The following TULP4 variants were observed in gnomAD, a reference collection of about 807,000 sequenced individuals.
The protein encoded by TULP4 is TUB like protein 4, also known as tubby-related protein 4.
A neutral mutation model predicts 129.0 loss-of-function variants in TULP4; 16 were observed. That is an observed-to-expected ratio of 0.12 (90% CI 0.08 to 0.19). TULP4 has a LOEUF of 0.19. TULP4 is among the 10% of genes least tolerant of loss of function. The pLI is 1.00. For synonymous variants in TULP4, 998 were observed against 854.0 expected, an observed-to-expected ratio of 1.17 and a Z score of -2.94; for missense variants, 1,842 against 2,059.1, an observed-to-expected ratio of 0.89 and a Z score of 2.04.
At chr6:158,405,549 G>A (rs1777961174) in intron 1 of TULP4, among the ~76,000 whole-genome samples, 1 of 152,180 alleles carries the variant, frequency 6.6e-6, no homozygotes, top group Admixed American at 6.5e-5. Context: ...TTGAGATAAT[G>A]GAGAGCAGGT....
chr6:158,387,299 G>C (rs1446497113), intron 1 of TULP4, among the ~76,000 whole-genome samples: 1 of 152,052 alleles, frequency 6.6e-6, no homozygotes, highest in Admixed American at 6.6e-5. Context: ...ATTAGATGAC[G>C]ATCTGTCAGT....
chr6:158,316,611 T>A (rs1205902086), intron 1 of TULP4, among the ~76,000 whole-genome samples: 2 of 150,534 alleles, frequency 1.3e-5, no homozygotes, highest in African/African-American at 2.4e-5. Flanking sequence ...ACGCTTCAAA[T>A]TTTTTTTTTT....
At chr6:158,293,852 G>A (rs1377206700) in intron 1 of TULP4, among the ~76,000 whole-genome samples, 1 of 152,216 alleles carries the variant, frequency 6.6e-6, no homozygotes, top group African/African-American at 2.4e-5. Context: ...AGGGATGTTA[G>A]TTTCTTCTGG....
At chr6:158,359,498 T>C (rs1482108940) in intron 1 of TULP4, among the ~76,000 whole-genome samples, 2 of 152,086 alleles carry the variant, frequency 1.3e-5, no homozygotes, top group Non-Finnish European at 2.9e-5. Context: ...TGGAGTATGA[T>C]GTTTGAGGGC....
chr6:158,239,777 A>C (rs111264340), intron 1 of TULP4, among the ~76,000 whole-genome samples: 32 of 51,434 alleles, frequency 6.2e-4, no homozygotes, highest in Non-Finnish European at 1.1e-3. Context: ...TGACCCCCCC[A>C]CCTCCCTCCC....
chr6:158,385,982 C>T lies in TULP4; in HGVS notation c.253-27083C>T, dbSNP rs183093483. On this transcript the variant is annotated intron_variant, in intron 1 of 13. Transcript: ENST00000367097. ...GCATCCGCCTCCTGAATAACTGGGA[C>T]TACAAGTGTGCACCACCACACCCAG... Among the ~76,000 whole-genome samples, 6 of 151,202 alleles carry T rather than the reference C, an allele frequency of 4.0e-5. No individual in the cohort carries two copies. In the East Asian group the frequency reaches 1.2e-3, roughly 29 times the overall value.
Position 158,332,180 on chromosome 6 carries a change from AAAAAAAAAAAAAAAAAAAAAATAT to A in TULP4, c.252+17914_252+17937del, listed in dbSNP as rs1219676519. On this transcript the variant is annotated intron_variant, in intron 1 of 13. Coordinates refer to ENST00000367097, the MANE Select transcript of TULP4 (RefSeq NM_020245.5). ...GAGTAAGACTCTGTCAAAAAAAAAA[AAAAAAAAAAAAAAAAAAAAAATAT>A]ATATATATATATATATATATATATA... Among the ~76,000 whole-genome samples the A allele has an allele frequency of 1.6e-4, 14 of 87,870 alleles. 1 individual carries two copies. Among genetic ancestry groups the A allele is most frequent in the African/African-American group, 5.2e-4 (11 of 21,166 alleles). 57.6% of individuals were successfully genotyped at this position (87,870 alleles called of 152,430 possible).
intron 1 of TULP4, among the ~76,000 whole-genome samples, chr6:158,247,186 A>G (rs761184869): frequency 6.6e-6 from 1 of 152,118 alleles, no homozygotes; most frequent in Non-Finnish European, 1.5e-5. Flanking sequence ...TTCCTTTTGT[A>G]GTTTTAACAT....
At position 158,502,454 on chromosome 6, in the gene TULP4, G is replaced by A. The variant is rs1780474187; in HGVS notation, c.2791G>A (p.Glu931Lys). ...SSATLRLTAT[E>K]KKVPQPCSSA... ...TGCCACCTTGAGGCTCACGGCCACT[G>A]AGAAGAAGGTCCCTCAGCCCTGCAG... Residue 931 changes from glutamate to lysine, a missense_variant, in exon 13 of 14, where the codon GAG (glutamate) becomes AAG (lysine). By Grantham distance (56) the Glu-to-Lys change is moderately conservative. Around this residue, in one of 5 missense-constraint regions of TULP4, gnomAD observed 1,089 missense variants for 987.1 expected, o/e 1.10. Coordinates refer to ENST00000367097, the MANE Select transcript of TULP4 (RefSeq NM_020245.5). The A allele has an allele frequency of 2.5e-6, 4 of 1,613,362 alleles. No individual in the cohort carries two copies. The highest frequency in any genetic ancestry group is 3.4e-6 in the Non-Finnish European group (4 of 1,179,852).
At chr6:158,280,929 T>A (rs1208897977), upstream of TULP4, among the ~76,000 whole-genome samples, 2 of 152,214 alleles carry the variant, frequency 1.3e-5, no homozygotes, top group East Asian at 1.9e-4. Flanking sequence ...TCTTTATTTT[T>A]AAAAAATATT....
intron 2 of TULP4, among the ~76,000 whole-genome samples, chr6:158,427,529 C>G (rs1427260467): frequency 9.5e-6 from 1 of 105,404 alleles, no homozygotes; most frequent in Admixed American, 1.4e-4. Flanking sequence ...GAGTCTCGCT[C>G]TGTCGCCAGG....
At chr6:158,346,218 T>C (rs1780305964) in intron 1 of TULP4, among the ~76,000 whole-genome samples, 1 of 152,258 alleles carries the variant, frequency 6.6e-6, no homozygotes, top group African/African-American at 2.4e-5. Context: ...CACAGGGTCC[T>C]GAGGTGACGT....
At chr6:158,483,455 C>T (rs1779993824) in intron 8 of TULP4, among the ~76,000 whole-genome samples, 2 of 152,126 alleles carry the variant, frequency 1.3e-5, no homozygotes, top group Admixed American at 1.3e-4. Context: ...ACCTCAGCCT[C>T]CTGGGCAGCT....
intron 1 of TULP4, among the ~76,000 whole-genome samples, chr6:158,408,005 A>C (rs705949): frequency 0.7 from 106,065 of 152,082 alleles, 37,382 homozygotes; most frequent in Middle Eastern, 0.76. Flanking sequence ...CTGTTATCCA[A>C]CCCCTTATCA....
chr6:158,398,066 G>A (rs1206312843), intron 1 of TULP4: 1 of 152,022 alleles, frequency 6.6e-6, no homozygotes, highest in Non-Finnish European at 1.5e-5. Context: ...AAAGTAAAAA[G>A]GCTGAAAACA....
chr6:158,446,794 C>A (rs962446828), intron 3 of TULP4, among the ~76,000 whole-genome samples: 1 of 152,188 alleles, frequency 6.6e-6, no homozygotes, highest in Non-Finnish European at 1.5e-5. Context: ...CTCCCTGGGT[C>A]CTCACATGGC....
Position 158,313,209 on chromosome 6 carries a change from A to C in TULP4, c.-808A>C. The C allele has an allele frequency of 3.1e-6, 1 of 321,168 alleles. No homozygotes were observed. Among genetic ancestry groups the C allele is most frequent in the Admixed American group, 4.9e-5 (1 of 20,426 alleles). 19.9% of individuals were successfully genotyped at this position (321,168 alleles called of 1,614,324 possible). A position where few individuals can be genotyped will look rare whatever the true frequency, so the allele number is the denominator to read the frequency against. ...TGAAGGGGCCTTCTTTCTAGCCTCT[A>C]TGGCACTGAGGGGTGCGCCGGCTGG... On this transcript the variant is annotated 5_prime_UTR_variant, in exon 1 of 14. The change abolishes an upstream ATG in the 5' untranslated region. Transcript: ENST00000367097.
Position 158,449,086 on chromosome 6 carries a change from G to A in TULP4, c.634G>A (p.Val212Ile). Residue 212 changes from valine to isoleucine, a missense_variant, in exon 4 of 14, where the codon GTC becomes ATC. Around this residue, in one of 5 missense-constraint regions of TULP4, gnomAD observed 456 missense variants for 534.3 expected, o/e 0.85. Transcript: ENST00000367097. ...AHVLLHESDG[V>I]LGMSWNYPIF... Reference sequence around the variant, plus strand: ...CGTCCTCTTGCACGAGTCAGACGGTGTCCTCGGCATGTCCTGGAACTACCC... The same window carrying A: ...CGTCCTCTTGCACGAGTCAGACGGTATCCTCGGCATGTCCTGGAACTACCC... 6.2e-7 allele frequency: 1 copy of A among 1,614,108 alleles called. No individual in the cohort carries two copies. The highest frequency in any genetic ancestry group is 1.1e-5 in the South Asian group (1 of 91,072).
Position 158,503,057 on chromosome 6 carries a change from G to T in TULP4, c.3394G>T (p.Val1132Phe). ...YQWDPMLGEDVWVPQERTAQT... is the reference protein window; with the variant it reads ...YQWDPMLGEDFWVPQERTAQT... ...GTGGGACCCCATGCTGGGTGAGGAT[G>T]TTTGGGTTCCTCAAGAAAGGACAGC... The change falls in exon 13 of 14, where the codon GTT (valine) becomes TTT (phenylalanine). Residue 1132 changes from valine (V) to phenylalanine (F), a missense_variant. Physicochemically the swap from Val to Phe is conservative, Grantham distance 50 (BLOSUM62 -1). Coordinates refer to ENST00000367097, the MANE Select transcript of TULP4 (RefSeq NM_020245.5). This position sits in a 1 kb window ranked among gnomAD's most constrained non-coding sequence, Gnocchi z 4.3. 1 of 1,614,132 alleles carries T rather than the reference G, an allele frequency of 6.2e-7. No individual in the cohort carries two copies. Among genetic ancestry groups the T allele is most frequent in the Non-Finnish European group, 8.5e-7 (1 of 1,180,028 alleles).
Sources: gnomAD v4.1 joint callset for allele counts (sites outside exome capture counted in the v4.1 genomes callset) on GRCh38, gnomAD v4.1.1 for gene constraint, gnomAD v4.1.1 regional missense constraint, Gnocchi (gnomAD v3.1) non-coding constraint, MANE v1.5 for transcripts, NCBI Gene and HGNC (gene_info 2026-07-23, HGNC 2026-07-21) for gene names.